The following ERC1 variants were observed in gnomAD, a reference collection of about 807,000 sequenced individuals.
ERC1 encodes ELKS/RAB6-interacting/CAST family member 1.
Under a neutral mutation model 132.0 loss-of-function variants are expected in ERC1, and 56 were observed. The ratio of observed to expected loss-of-function variants is 0.42; its 90% CI spans 0.34 to 0.53. The LOEUF (loss-of-function observed/expected upper bound fraction) is 0.53. ERC1 is among the 20% of genes least tolerant of loss of function. The pLI is 0.03. For missense variants in ERC1, 1,202 were observed against 1,349.9 expected (o/e 0.89, Z 1.72); for synonymous variants, 478 against 476.1 (o/e 1.00, Z -0.05).
intron 13 of ERC1, among the ~76,000 whole-genome samples, chr12:1,262,396 G>C (rs1021325200): frequency 4.6e-5 from 7 of 152,142 alleles, no homozygotes; most frequent in African/African-American, 7.2e-5. Context: ...TCAGGGCTGG[G>C]AATTGCTTAG....
intron 18 of ERC1, among the ~76,000 whole-genome samples, chr12:1,483,482 T>A (rs2094130704): frequency 6.6e-6 from 1 of 152,290 alleles, no homozygotes; most frequent in South Asian, 2.1e-4. Context: ...TACACTTCAA[T>A]TTTTCCCTTC....
chr12:1,242,096 C>T (rs1206007657), intron 13 of ERC1, among the ~76,000 whole-genome samples: 1 of 152,026 alleles, frequency 6.6e-6, no homozygotes, highest in Non-Finnish European at 1.5e-5. Flanking sequence ...ATTCAGCCAC[C>T]TCGGCCTCCC....
intron 17 of ERC1, among the ~76,000 whole-genome samples, chr12:1,413,159 A>G (rs1414237467): frequency 6.6e-6 from 1 of 152,158 alleles, no homozygotes; most frequent in South Asian, 2.1e-4. Flanking sequence ...GAAATTCCCT[A>G]TTGTATGACA....
At chr12:1,321,235 G>T (rs2082096411) in intron 15 of ERC1, among the ~76,000 whole-genome samples, 1 of 152,166 alleles carries the variant, frequency 6.6e-6, no homozygotes, top group Admixed American at 6.5e-5. Flanking sequence ...GTATGTAAAT[G>T]AAGCTAGTAA....
intron 15 of ERC1, among the ~76,000 whole-genome samples, chr12:1,329,171 G>C (rs779388057): frequency 6.9e-5 from 10 of 145,870 alleles, no homozygotes; most frequent in African/African-American, 1.6e-4. Context: ...GCACATGCCT[G>C]TAATCCCAGC....
intron 17 of ERC1, among the ~76,000 whole-genome samples, chr12:1,427,716 G>A (rs1289218115): frequency 6.6e-6 from 1 of 152,058 alleles, no homozygotes; most frequent in Non-Finnish European, 1.5e-5. Context: ...TAAGCATCAG[G>A]TCCCTCATTT....
intron 3 of ERC1, among the ~76,000 whole-genome samples, chr12:1,084,425 T>A (rs1386920130): frequency 3.9e-5 from 6 of 152,186 alleles, no homozygotes; most frequent in Non-Finnish European, 7.3e-5. Flanking sequence ...AAAATAATAA[T>A]TTTTAAAAAT....
At chr12:1,065,592 TTG>T (rs1010895840) in intron 2 of ERC1, among the ~76,000 whole-genome samples, 1 of 51,194 alleles carries the variant, frequency 2.0e-5, no homozygotes, top group African/African-American at 7.5e-5. Flanking sequence ...ATTTCTTTTT[TTG>T]GGGCGGGGGG....
Position 1,284,159 on chromosome 12 carries a change from T to C in ERC1, c.2620-5693T>C, listed in dbSNP as rs184527209. ...CACGTGTGAGTGAGAACAAGCAACATCTGTCTTTCCGTGCCTGGCTTGTTT... is the reference window on the plus strand; with the variant it reads ...CACGTGTGAGTGAGAACAAGCAACACCTGTCTTTCCGTGCCTGGCTTGTTT... On this transcript the variant is annotated intron_variant, in intron 14 of 18. Coordinates refer to ENST00000360905, the MANE Select transcript of ERC1 (RefSeq NM_178040.4). Among the ~76,000 whole-genome samples, 10 of 152,294 alleles carry C rather than the reference T, an allele frequency of 6.6e-5. No individual in the cohort carries two copies. The East Asian group carries it at 1.9e-3, about 29-fold the overall frequency.
intron 15 of ERC1, among the ~76,000 whole-genome samples, chr12:1,361,089 G>T (rs1235885210): frequency 7.0e-6 from 1 of 142,502 alleles, no homozygotes; most frequent in Non-Finnish European, 1.5e-5. Context: ...TGGGAGTGAG[G>T]CTCTGTCTCA....
intron 15 of ERC1, among the ~76,000 whole-genome samples, chr12:1,309,961 G>T (rs11609223): frequency 0.31 from 44,875 of 143,816 alleles, 6,720 homozygotes; most frequent in Middle Eastern, 0.43. Flanking sequence ...GTTTTGTTTT[G>T]TTTTGAGACA....
chr12:1,027,723 T>G, intron 1 of ERC1, 25 bp from the exon 2 acceptor site: 1 of 575,606 alleles, frequency 1.7e-6, no homozygotes, highest in Non-Finnish European at 3.1e-6. Context: ...ATTGGAGGAT[T>G]TAATGTGTGA....
At chr12:1,145,070 G>A (rs1950223735) in intron 8 of ERC1, among the ~76,000 whole-genome samples, 1 of 151,990 alleles carries the variant, frequency 6.6e-6, no homozygotes, top group Middle Eastern at 3.4e-3. Context: ...AGGCTGGAGT[G>A]AAGTGGTGCA....
rs544147954 is a variant in ERC1 at position 1,485,323 on chromosome 12, G to A, written c.3214-4770G>A. Among the ~76,000 whole-genome samples the A allele has an allele frequency of 1.4e-3, 209 of 146,900 alleles. 3 individuals are homozygous for A. Among genetic ancestry groups the A allele is most frequent in the Admixed American group, 5.6e-3 (80 of 14,332 alleles). On this transcript the variant is annotated intron_variant, in intron 18 of 18. Coordinates refer to ENST00000360905, the MANE Select transcript of ERC1 (RefSeq NM_178040.4). ...GGATTCAAGCAATTCTTCTGCCTCA[G>A]CCACCCAAGTAGCTGGGATTATAGG...
chr12:1,045,935 A>T (rs746465749), intron 2 of ERC1, among the ~76,000 whole-genome samples: 15 of 152,254 alleles, frequency 9.9e-5, no homozygotes, highest in Non-Finnish European at 1.3e-4. Flanking sequence ...TGATAAATAT[A>T]ATTTGATTAC....
chr12:1,249,910 C>T (rs2076370196), intron 13 of ERC1, among the ~76,000 whole-genome samples: 1 of 152,172 alleles, frequency 6.6e-6, no homozygotes, highest in South Asian at 2.1e-4. Context: ...TTTATAAGGG[C>T]ATTTAATGCC....
intron 2 of ERC1, among the ~76,000 whole-genome samples, chr12:1,046,639 A>G (rs1338578429): frequency 6.6e-6 from 1 of 152,214 alleles, no homozygotes; most frequent in African/African-American, 2.4e-5. Context: ...TTGTTTGGAT[A>G]ACAGAGTAAA....
At chr12:1,333,155 G>A (rs35443850) in intron 15 of ERC1, among the ~76,000 whole-genome samples, 15,987 of 149,860 alleles carry the variant, frequency 0.11, 1,035 homozygotes, top group African/African-American at 0.16. Context: ...CTATGTGTCC[G>A]CGTGTTCTCA....
Position 1,185,731 on chromosome 12 carries a change from G to GTTT in ERC1, c.2157+2323_2157+2325dup, listed in dbSNP as rs72127045. 5.7e-3 allele frequency among the ~76,000 whole-genome samples: 729 copies of GTTT among 127,760 alleles called. 8 individuals are homozygous for GTTT. Among genetic ancestry groups the GTTT allele is most frequent in the African/African-American group, 0.022 (688 of 30,608 alleles). The allele number at this position is 127,760 out of a possible 152,430, so 83.8% of individuals were successfully genotyped here. Reference sequence around the variant, plus strand: ...CTTCCCGAAATAGGAACTCTAGGTTGTTTTTTTTTTTTTTTAATTTATATT... The same window carrying GTTT: ...CTTCCCGAAATAGGAACTCTAGGTTGTTTTTTTTTTTTTTTTTTAATTTATATT... On this transcript the variant is annotated intron_variant, in intron 11 of 18. Transcript: ENST00000360905.
Sources: gnomAD v4.1 joint callset for allele counts (sites outside exome capture counted in the v4.1 genomes callset) on GRCh38, gnomAD v4.1.1 for gene constraint, MANE v1.5 for transcripts, NCBI Gene and HGNC (gene_info 2026-07-23, HGNC 2026-07-21) for gene names.